Variants in HIC2 observed in about 807,000 individuals in gnomAD.
The protein encoded by HIC2 is HIC ZBTB transcriptional repressor 2.
HIC2 carries 2 observed loss-of-function variants against 39.5 expected under a neutral mutation model. The observed-to-expected ratio is 0.05, with a 90% confidence interval of 0.02 to 0.16. The LOEUF is 0.16. Among genes scored for constraint, HIC2 ranks in the 10% least tolerant of loss-of-function variants. The pLI, the probability that HIC2 is intolerant of heterozygous loss-of-function variation, is 1.00. For missense variants in HIC2, 713 were observed against 863.5 expected (o/e 0.83, Z 2.18); for synonymous variants, 399 against 368.8 (o/e 1.08, Z -0.94).
At position 21,445,857 on chromosome 22, in the gene HIC2, C is replaced by T. The variant is rs767416481; in HGVS notation, c.962C>T (p.Ala321Val). Reference sequence around the variant, plus strand: ...GACAACCACCTGAGCCTGCTGGAGGCGCCTGGTGGGCAGCCTCGGAAGAGC... The same window carrying T: ...GACAACCACCTGAGCCTGCTGGAGGTGCCTGGTGGGCAGCCTCGGAAGAGC... ...AEDNHLSLLE[A>V]PGGQPRKSLR... Residue 321 changes from alanine to valine, a missense_variant, in exon 3 of 3, where the codon GCG becomes GTG. Ala to Val is a moderately conservative substitution (Grantham distance 64). Around this residue, in one of 5 missense-constraint regions of HIC2, gnomAD observed 457 missense variants for 420.2 expected, o/e 1.09. Coordinates refer to ENST00000407464, the MANE Select transcript of HIC2 (RefSeq NM_015094.3). 3.2e-5 allele frequency: 51 copies of T among 1,593,922 alleles called. No individual in the cohort carries two copies. Among genetic ancestry groups the T allele is most frequent in the Admixed American group, 7.1e-5 (4 of 56,354 alleles).
rs893763385 is a variant in HIC2, at chr22:21,451,258, C to T, written c.*4515C>T. The T allele has an allele frequency of 1.3e-5, 2 of 152,800 alleles. No homozygotes were observed. The highest frequency in any genetic ancestry group is 1.3e-4 in the Admixed American group (2 of 15,286). 9.5% of individuals were successfully genotyped at this position (152,800 alleles called of 1,614,324 possible). A position where few individuals can be genotyped will look rare whatever the true frequency, so the allele number is the denominator to read the frequency against. ...CGGGATCGCACTCCTGTACTGGCCA[C>T]CGCCGCTGTCACTTGTCACATTGAG... On this transcript the variant is annotated 3_prime_UTR_variant, in exon 3 of 3. Coordinates refer to ENST00000407464, the MANE Select transcript of HIC2 (RefSeq NM_015094.3).
chr22:21,443,988 G>C (rs528907630), intron 2 of HIC2, among the ~76,000 whole-genome samples: 50 of 152,338 alleles, frequency 3.3e-4, no homozygotes, highest in African/African-American at 1.1e-3. Flanking sequence ...GGGGTGCCTG[G>C]TCCATGGCAG....
Position 21,449,725 on chromosome 22 carries a change from C to A in HIC2, c.*2982C>A, listed in dbSNP as rs1052871546. Reference sequence around the variant, plus strand: ...CTGGAGTCACCTGAGCCCTCGTCCCCATTCCCAGGGCCCCTCCAAGCCCAG... The same window carrying A: ...CTGGAGTCACCTGAGCCCTCGTCCCAATTCCCAGGGCCCCTCCAAGCCCAG... On this transcript the variant is annotated 3_prime_UTR_variant, in exon 3 of 3. Coordinates refer to ENST00000407464, the MANE Select transcript of HIC2 (RefSeq NM_015094.3). 6.5e-6 allele frequency: 1 copy of A among 152,756 alleles called. No individual in the cohort carries two copies. The highest frequency in any genetic ancestry group is 2.4e-5 in the African/African-American group (1 of 41,468). 9.5% of individuals were successfully genotyped at this position (152,756 alleles called of 1,614,324 possible). A position where few individuals can be genotyped will look rare whatever the true frequency, so the allele number is the denominator to read the frequency against.
chr22:21,443,571 C>G (rs1027390933), intron 2 of HIC2, among the ~76,000 whole-genome samples: 2 of 152,050 alleles, frequency 1.3e-5, no homozygotes, highest in South Asian at 2.1e-4. Context: ...CCCTGAACTG[C>G]GAGGCTCAGA....
Position 21,444,888 on chromosome 22 carries a change from C to A in HIC2, c.27-34C>A. On this transcript the variant is annotated intron_variant, in intron 2 of 2. Transcript: ENST00000407464. ...AGAGCCCTGGTCCGAGTGTGCCAGT[C>A]ATCTGACGCATGCGTGCCTGTTCTT... 3 of 1,583,254 alleles carry A rather than the reference C, an allele frequency of 1.9e-6. No homozygotes were observed. In the South Asian group the frequency reaches 3.5e-5, roughly 18 times the overall value.
chr22:21,450,641 AGCCCTGGCAT>A lies in HIC2; in HGVS notation c.*3903_*3912del, dbSNP rs1924131271. 6.5e-6 allele frequency: 1 copy of A among 152,840 alleles called. No individual in the cohort carries two copies. Among genetic ancestry groups the A allele is most frequent in the African/African-American group, 2.4e-5 (1 of 41,470 alleles). 9.5% of individuals were successfully genotyped at this position (152,840 alleles called of 1,614,324 possible). A position where few individuals can be genotyped will look rare whatever the true frequency, so the allele number is the denominator to read the frequency against. ...GGCCTTAGAGCAGACAAGGGCTCTC[AGCCCTGGCAT>A]GCCCCCTAAAGGGACCAAGGTCCTC... is the stretch of plus-strand genomic sequence containing the variant. On this transcript the variant is annotated 3_prime_UTR_variant, in exon 3 of 3. Coordinates refer to ENST00000407464, the MANE Select transcript of HIC2 (RefSeq NM_015094.3).
chr22:21,450,265 A>C lies in HIC2; in HGVS notation c.*3522A>C, dbSNP rs1924098734. 6.5e-6 allele frequency: 1 copy of C among 152,768 alleles called. No homozygotes were observed. Among genetic ancestry groups the C allele is most frequent in the South Asian group, 2.1e-4 (1 of 4,834 alleles). The allele number at this position is 152,768 out of a possible 1,614,324, so 9.5% of individuals were successfully genotyped here. A position where few individuals can be genotyped will look rare whatever the true frequency, so the allele number is the denominator to read the frequency against. On this transcript the variant is annotated 3_prime_UTR_variant, in exon 3 of 3. Coordinates refer to ENST00000407464, the MANE Select transcript of HIC2 (RefSeq NM_015094.3). ...GAAGAGAAAAGATGAACCTTTAAGC[A>C]AATAAGAATCTCAGAGACTCGCAGC... is the stretch of plus-strand genomic sequence containing the variant.
rs1306712587 is a variant in HIC2 at position 21,444,984 on chromosome 22, A to T, written c.89A>T (p.Lys30Met). 2 of 1,613,760 alleles carry T rather than the reference A, an allele frequency of 1.2e-6. No individual in the cohort carries two copies. The highest frequency in any genetic ancestry group is 1.7e-6 in the Non-Finnish European group (2 of 1,179,986). ...GPDMELPSHSKQLLLQLNQQR... is the reference protein window; with the variant it reads ...GPDMELPSHSMQLLLQLNQQR... ...GACATGGAGCTGCCCAGCCACTCGA[A>T]GCAGCTCCTGCTGCAGCTGAACCAG... Residue 30 changes from lysine (K) to methionine (M), a missense_variant, in exon 3 of 3, where the codon AAG becomes ATG. Transcript: ENST00000407464.
chr22:21,445,123 G>A lies in HIC2; in HGVS notation c.228G>A (p.Leu76=). Residue 76 remains leucine, a synonymous_variant, in exon 3 of 3, where the codon CTG becomes CTA. Transcript: ENST00000407464. ...ASSIYFKSLV[L]HDNLINLDTD... is the part of the protein sequence containing the mutation. ...GCATCTATTTCAAGTCCCTGGTCCT[G>A]CACGACAACCTCATCAACCTGGACA... 6.2e-7 allele frequency: 1 copy of A among 1,614,186 alleles called. No individual in the cohort carries two copies.
At chr22:21,443,711 C>A (rs1414726828) in intron 2 of HIC2, among the ~76,000 whole-genome samples, 1 of 152,130 alleles carries the variant, frequency 6.6e-6, no homozygotes, top group Non-Finnish European at 1.5e-5. Context: ...CACTGGCATG[C>A]CTTCCCCAGC....
rs1923872460 is a variant in HIC2, at chr22:21,446,851, C to T, written c.*108C>T. The T allele has an allele frequency of 7.0e-7, 1 of 1,434,534 alleles. No individual in the cohort carries two copies. The highest frequency in any genetic ancestry group is 1.4e-5 in the African/African-American group (1 of 69,938). The allele number at this position is 1,434,534 out of a possible 1,614,324, so 88.9% of individuals were successfully genotyped here. On this transcript the variant is annotated 3_prime_UTR_variant, in exon 3 of 3. Coordinates refer to ENST00000407464, the MANE Select transcript of HIC2 (RefSeq NM_015094.3). ...GGCAAGACCCTGGGTCCAGTGGAGG[C>T]TCCGGGTGGCCCCTCTGGCCCCCAC...
chr22:21,444,861 C>A, intron 2 of HIC2, 61 bp from the exon 3 acceptor site: 1 of 1,549,568 alleles, frequency 6.5e-7, no homozygotes, highest in Non-Finnish European at 8.7e-7. Flanking sequence ...CCACCCTGCC[C>A]CAGAGCCCTG....
rs185874829 is a variant in HIC2, at chr22:21,450,652, G to T, written c.*3909G>T. 9.6e-4 allele frequency: 147 copies of T among 152,932 alleles called. No individual in the cohort carries two copies. The highest frequency in any genetic ancestry group is 6.8e-3 in the Middle Eastern group (2 of 294). 9.5% of individuals were successfully genotyped at this position (152,932 alleles called of 1,614,324 possible). A position where few individuals can be genotyped will look rare whatever the true frequency, so the allele number is the denominator to read the frequency against. On this transcript the variant is annotated 3_prime_UTR_variant, in exon 3 of 3. Coordinates refer to ENST00000407464, the MANE Select transcript of HIC2 (RefSeq NM_015094.3). Reference sequence around the variant, plus strand: ...AGACAAGGGCTCTCAGCCCTGGCATGCCCCCTAAAGGGACCAAGGTCCTCC... The same window carrying T: ...AGACAAGGGCTCTCAGCCCTGGCATTCCCCCTAAAGGGACCAAGGTCCTCC...
chr22:21,449,841 A>G lies in HIC2; in HGVS notation c.*3098A>G, dbSNP rs1372493418. 1 of 152,732 alleles carries G rather than the reference A, an allele frequency of 6.5e-6. No individual in the cohort carries two copies. Among genetic ancestry groups the G allele is most frequent in the East Asian group, 1.9e-4 (1 of 5,218 alleles). 9.5% of individuals were successfully genotyped at this position (152,732 alleles called of 1,614,324 possible). On this transcript the variant is annotated 3_prime_UTR_variant, in exon 3 of 3. Transcript: ENST00000407464. ...TCCTGACCAGCTAGCCTACGCGGGG[A>G]TGGCCGTCAGTTCTGGCCACAGGAC...
rs753353400 is a variant in HIC2 at position 21,446,585 on chromosome 22, G to C, written c.1690G>C (p.Asp564His). 1 of 1,613,602 alleles carries C rather than the reference G, an allele frequency of 6.2e-7. No individual in the cohort carries two copies. The highest frequency in any genetic ancestry group is 2.2e-5 in the East Asian group (1 of 44,874). Reference protein sequence around the residue: ...SHLGLKPFACDECGMRFTRQY... With the variant: ...SHLGLKPFACHECGMRFTRQY... Reference sequence around the variant, plus strand: ...CCTGGGCCTGAAGCCCTTCGCCTGCGATGAGTGTGGCATGCGCTTCACCCG... The same window carrying C: ...CCTGGGCCTGAAGCCCTTCGCCTGCCATGAGTGTGGCATGCGCTTCACCCG... The change falls in exon 3 of 3, where the codon GAT becomes CAT. Residue 564 changes from aspartate (D) to histidine (H), a missense_variant. Asp to His is a moderately conservative substitution (Grantham distance 81, BLOSUM62 -1). Coordinates refer to ENST00000407464, the MANE Select transcript of HIC2 (RefSeq NM_015094.3).
In HIC2 at chr22:21,450,238, A is replaced by G. The variant is rs200472329; in HGVS notation, c.*3495A>G. ...GCTCCTCCAGGATTGCAAAAAAAAAAGGAAGAGAAAAGATGAACCTTTAAG... is the reference window on the plus strand; with the variant it reads ...GCTCCTCCAGGATTGCAAAAAAAAAGGGAAGAGAAAAGATGAACCTTTAAG... On this transcript the variant is annotated 3_prime_UTR_variant, in exon 3 of 3. Coordinates refer to ENST00000407464, the MANE Select transcript of HIC2 (RefSeq NM_015094.3). 1.4e-5 allele frequency: 2 copies of G among 145,886 alleles called. No individual in the cohort carries two copies. The highest frequency in any genetic ancestry group is 2.0e-4 in the East Asian group (1 of 5,036). The allele number at this position is 145,886 out of a possible 1,614,324, so 9.0% of individuals were successfully genotyped here. A position where few individuals can be genotyped will look rare whatever the true frequency, so the allele number is the denominator to read the frequency against.
chr22:21,443,299 C>T (rs1923621128), intron 2 of HIC2, among the ~76,000 whole-genome samples: 2 of 152,308 alleles, frequency 1.3e-5, no homozygotes, highest in South Asian at 2.1e-4. Context: ...TGAGTGCCAG[C>T]GGTGTTCCAG....
In HIC2 at chr22:21,446,003, G is replaced by A. The variant is rs763630663; in HGVS notation, c.1108G>A (p.Gly370Arg). 5.7e-6 allele frequency: 9 copies of A among 1,570,850 alleles called. No individual in the cohort carries two copies. The highest frequency in any genetic ancestry group is 4.1e-5 in the African/African-American group (3 of 73,792). ...CCCGGGAGAGGAGGGTGAGGGGGTC[G>A]GGGACAGGGTTCCCAATGGCATCCT... ...PCPGEEGEGV[G>R]DRVPNGILAS... is the part of the protein sequence containing the mutation. Residue 370 changes from glycine (G) to arginine (R), a missense_variant, in exon 3 of 3, where the codon GGG becomes AGG. Physicochemically the swap from Gly to Arg is moderately radical, Grantham distance 125. This residue lies in a region of HIC2 where 457 missense variants were observed against 420.2 expected (regional missense o/e 1.09). Transcript: ENST00000407464.
Position 21,445,376 on chromosome 22 carries a change from C to A in HIC2, c.481C>A (p.Arg161Ser), listed in dbSNP as rs762752371. 4 of 1,554,086 alleles carry A rather than the reference C, an allele frequency of 2.6e-6. No homozygotes were observed. Among genetic ancestry groups the A allele is most frequent in the Non-Finnish European group, 3.5e-6 (4 of 1,151,516 alleles). Residue 161 changes from arginine to serine, a missense_variant, in exon 3 of 3, where the codon CGC (arginine) becomes AGC (serine). By Grantham distance (110) the Arg-to-Ser change is moderately radical. Transcript: ENST00000407464. ...AGSTGMGRPP[R>S]SQRLSTASVI... is the part of the protein sequence containing the mutation. ...GTCCACTGGCATGGGGCGGCCCCCC[C>A]GCAGCCAGCGGCTGTCCACGGCCTC...
Sources: allele counts gnomAD v4.1 joint callset (sites outside exome capture counted in the v4.1 genomes callset), GRCh38; gene constraint gnomAD v4.1.1; regional missense constraint gnomAD v4.1.1; transcripts MANE v1.5; gene names NCBI Gene and HGNC (gene_info 2026-07-23, HGNC 2026-07-21).